The following AFG3L2 variants were observed in gnomAD, a reference collection of about 807,000 sequenced individuals.
AFG3L2 encodes AFG3 like matrix AAA peptidase subunit 2, also known as mitochondrial inner membrane m-AAA protease component AFG3L2.
In AFG3L2, 54 loss-of-function variants were observed where a neutral mutation model predicts 94.5. That is an observed-to-expected ratio of 0.57 (90% CI 0.46 to 0.72). The LOEUF (loss-of-function observed/expected upper bound fraction) is 0.72. Among genes scored for constraint, AFG3L2 ranks in the 30% least tolerant of loss-of-function variants. The probability of loss-of-function intolerance (pLI) is 0.00; values close to 1 mark genes in which losing one functional copy is unlikely to be tolerated. For missense variants in AFG3L2, 754 were observed against 994.9 expected, an observed-to-expected ratio of 0.76 and a Z score of 3.26; for synonymous variants, 377 against 365.5, an observed-to-expected ratio of 1.03 and a Z score of -0.36.
chr18:12,375,616 G>A lies in AFG3L2; in HGVS notation c.114+1353C>T, dbSNP rs373088059. Among the ~76,000 whole-genome samples, 67 of 152,234 alleles carry A rather than the reference G, an allele frequency of 4.4e-4. No individual in the cohort carries two copies. The East Asian group carries it at 9.5e-3, about 22-fold the overall frequency. ...GCTAGAGTGCAGTGGCCCGCTCTTG[G>A]CTCACTGCCAGCTCCACCGCCCAGG... On this transcript the variant is annotated intron_variant, in intron 1 of 16. Transcript: ENST00000269143.
rs1970035063 is a variant in AFG3L2 at position 12,377,119 on chromosome 18, G to A, written c.-37C>T. ...TGGCCCTCTCGGCCCGGGACGCTGCGCAGGCGCGGGCAGGCGACGACTGGC... is the reference window on the plus strand; with the variant it reads ...TGGCCCTCTCGGCCCGGGACGCTGCACAGGCGCGGGCAGGCGACGACTGGC... On this transcript the variant is annotated 5_prime_UTR_variant, in exon 1 of 17. Coordinates refer to ENST00000269143, the MANE Select transcript of AFG3L2 (RefSeq NM_006796.3). 3.8e-6 allele frequency: 5 copies of A among 1,316,158 alleles called. No homozygotes were observed. In the East Asian group the frequency reaches 1.0e-4, roughly 27 times the overall value. 81.5% of individuals were successfully genotyped at this position (1,316,158 alleles called of 1,614,324 possible).
At chr18:12,359,849 C>T in intron 7 of AFG3L2, 78 bp downstream of exon 7, 1 of 1,573,492 alleles carries the variant, frequency 6.4e-7, no homozygotes. Context: ...TAATGTATAG[C>T]CCTGCACCCA....
intron 5 of AFG3L2, among the ~76,000 whole-genome samples, 200 bp downstream of exon 5, chr18:12,366,765 T>A (rs1568145304): frequency 6.6e-6 from 1 of 152,166 alleles, no homozygotes; most frequent in Non-Finnish European, 1.5e-5. Context: ...AATAAAAGAA[T>A]TTGTGGGTAA....
intron 5 of AFG3L2, 57 bp from the exon 6 acceptor site, chr18:12,363,913 T>C: frequency 7.8e-7 from 1 of 1,289,690 alleles, no homozygotes. Flanking sequence ...TGAGATACTC[T>C]TTTAAGCTCA....
intron 14 of AFG3L2, 44 bp downstream of exon 14, chr18:12,344,088 G>T (rs761827264): frequency 6.6e-7 from 1 of 1,515,332 alleles, no homozygotes; most frequent in Non-Finnish European, 9.2e-7. Context: ...GCGAGCATCT[G>T]CTCACCCATG....
intron 2 of AFG3L2, among the ~76,000 whole-genome samples, chr18:12,371,355 T>C (rs902255011): frequency 1.3e-5 from 2 of 152,022 alleles, no homozygotes; most frequent in Non-Finnish European, 2.9e-5. Flanking sequence ...GCATAACATT[T>C]CTTGTGTACA....
Position 12,363,806 on chromosome 18 carries a change from T to G in AFG3L2, c.603A>C (p.Thr201=). 6.2e-7 allele frequency: 1 copy of G among 1,613,160 alleles called. No homozygotes were observed. Among genetic ancestry groups the G allele is most frequent in the Non-Finnish European group, 8.5e-7 (1 of 1,179,778 alleles). The change falls in exon 6 of 17, where the codon ACA becomes ACC. Residue 201 remains threonine, a synonymous_variant. Coordinates refer to ENST00000269143, the MANE Select transcript of AFG3L2 (RefSeq NM_006796.3). ...CCCCATCAACAGGAGTTTTTCCTGG[T>G]GTAAAGGTCACTCGAACAAAACGCT... ...VNKRFVRVTF[T]PGKTPVDGQY... is the part of the protein sequence containing the mutation.
chr18:12,367,517 A>T (rs1468761565), intron 3 of AFG3L2, 135 bp from the exon 4 acceptor site: 1 of 818,362 alleles, frequency 1.2e-6, no homozygotes, highest in Non-Finnish European at 2.1e-6. Flanking sequence ...TAAGTGAAGC[A>T]CTATGAGAAA....
chr18:12,338,848 G>A (rs1311482282), intron 15 of AFG3L2, among the ~76,000 whole-genome samples: 3 of 152,114 alleles, frequency 2.0e-5, no homozygotes, highest in Non-Finnish European at 2.9e-5. Flanking sequence ...CATATGATAT[G>A]AAAGATCTAC....
In AFG3L2 at chr18:12,377,116, TGCGCAGGCGC is replaced by T. The variant is rs1555673702; in HGVS notation, c.-44_-35del. Reference sequence around the variant, plus strand: ...CCGTGGCCCTCTCGGCCCGGGACGCTGCGCAGGCGCGGGCAGGCGACGACTGGCGGCCTCG... The same window carrying T: ...CCGTGGCCCTCTCGGCCCGGGACGCTGGGCAGGCGACGACTGGCGGCCTCG... On this transcript the variant is annotated 5_prime_UTR_variant, in exon 1 of 17. Coordinates refer to ENST00000269143, the MANE Select transcript of AFG3L2 (RefSeq NM_006796.3). The T allele has an allele frequency of 1.5e-6, 2 of 1,349,432 alleles. No individual in the cohort carries two copies. The highest frequency in any genetic ancestry group is 1.9e-6 in the Non-Finnish European group (2 of 1,040,132). 83.6% of individuals were successfully genotyped at this position (1,349,432 alleles called of 1,614,324 possible). A position where few individuals can be genotyped will look rare whatever the true frequency, so the allele number is the denominator to read the frequency against.
In AFG3L2 at chr18:12,358,787, A is replaced by G; in HGVS notation, c.909T>C (p.Ile303=). 6.2e-7 allele frequency: 1 copy of G among 1,614,228 alleles called. No individual in the cohort carries two copies. The highest frequency in any genetic ancestry group is 2.2e-5 in the East Asian group (1 of 44,884). Residue 303 remains isoleucine, a synonymous_variant, in exon 8 of 17, where the codon ATT becomes ATC. Coordinates refer to ENST00000269143, the MANE Select transcript of AFG3L2 (RefSeq NM_006796.3). ...CAGCCACATCTTTGAACTTCACATC[A>G]ATTTCATCCTTTAAGACCTTGGCAG... ...ETTAKVLKDE[I]DVKFKDVAGC...
At chr18:12,371,060 C>T (rs1908972954) in intron 2 of AFG3L2, 134 bp from the exon 3 acceptor site, 2 of 562,798 alleles carry the variant, frequency 3.6e-6, no homozygotes, top group Admixed American at 5.9e-5. Flanking sequence ...TGCCTGTAAT[C>T]CCAGCACTTT....
intron 8 of AFG3L2, among the ~76,000 whole-genome samples, chr18:12,358,353 T>A (rs530610404): frequency 3.9e-5 from 6 of 152,184 alleles, no homozygotes; most frequent in Non-Finnish European, 8.8e-5. Context: ...TGTGACATTG[T>A]CAGTGAGCTA....
chr18:12,353,254 C>A, intron 9 of AFG3L2, 96 bp from the exon 10 acceptor site: 1 of 1,457,980 alleles, frequency 6.9e-7, no homozygotes. Flanking sequence ...GTGGCTCATG[C>A]CTGTAATCCC....
At chr18:12,376,830 G>T in intron 1 of AFG3L2, 139 bp downstream of exon 1, 2 of 571,414 alleles carry the variant, frequency 3.5e-6, no homozygotes, top group Non-Finnish European at 5.3e-6. Flanking sequence ...GAGAGACAGC[G>T]CAGGGCGCCC....
chr18:12,339,271 AG>A (rs1356611682), intron 15 of AFG3L2, among the ~76,000 whole-genome samples: 1 of 133,862 alleles, frequency 7.5e-6, no homozygotes, highest in Non-Finnish European at 1.6e-5. Context: ...AAGGTTTCTC[AG>A]CCAAGCACAG....
intron 16 of AFG3L2, among the ~76,000 whole-genome samples, chr18:12,332,683 TA>T (rs199978610): frequency 0.29 from 16,950 of 57,940 alleles, 1,793 homozygotes; most frequent in African/African-American, 0.43. Flanking sequence ...TATATATATA[TA>T]TTTTTTGTCT....
At chr18:12,374,718 T>A (rs761908970) in intron 1 of AFG3L2, among the ~76,000 whole-genome samples, 7 of 152,082 alleles carry the variant, frequency 4.6e-5, no homozygotes, top group Non-Finnish European at 8.8e-5. Context: ...ACAATGCAGA[T>A]CCCCACCTGG....
chr18:12,367,236 C>T, intron 4 of AFG3L2, 40 bp downstream of exon 4: 3 of 1,613,468 alleles, frequency 1.9e-6, no homozygotes, highest in Non-Finnish European at 2.5e-6. Flanking sequence ...TCTGGGCCAC[C>T]ATCATAACCT....
Sources: allele counts gnomAD v4.1 joint callset (sites outside exome capture counted in the v4.1 genomes callset), GRCh38; gene constraint gnomAD v4.1.1; transcripts MANE v1.5; gene names NCBI Gene and HGNC (gene_info 2026-07-23, HGNC 2026-07-21).